The following ANKRD39 variants were observed in gnomAD, a reference collection of about 807,000 sequenced individuals.
ANKRD39 encodes ankyrin repeat domain-containing protein 39.
A neutral mutation model predicts 20.3 loss-of-function variants in ANKRD39; 18 were observed. The ratio of observed to expected loss-of-function variants is 0.89; its 90% CI spans 0.61 to 1.32. The LOEUF (loss-of-function observed/expected upper bound fraction) is 1.32. Among genes scored for constraint, ANKRD39 ranks in the 40% most tolerant of loss-of-function variants. The pLI, the probability that ANKRD39 is intolerant of heterozygous loss-of-function variation, is 0.00. For synonymous variants in ANKRD39, 106 were observed against 111.9 expected (o/e 0.95, Z 0.33); for missense variants, 243 against 250.7 (o/e 0.97, Z 0.21).
intron 1 of ANKRD39, among the ~76,000 whole-genome samples, chr2:96,855,963 G>A (rs992377652): frequency 6.6e-6 from 1 of 151,372 alleles, no homozygotes; most frequent in African/African-American, 2.5e-5. Flanking sequence ...GACAGAGCCA[G>A]ACTCCGACTC....
At chr2:96,853,858 G>A (rs1483944403) in intron 2 of ANKRD39, among the ~76,000 whole-genome samples, 1 of 152,258 alleles carries the variant, frequency 6.6e-6, no homozygotes, top group Non-Finnish European at 1.5e-5. Flanking sequence ...TGGGCGCAGT[G>A]GCTCATGCCT....
chr2:96,857,702 C>T (rs2079872184), intron 1 of ANKRD39, among the ~76,000 whole-genome samples, 186 bp downstream of exon 1: 2 of 152,254 alleles, frequency 1.3e-5, no homozygotes, highest in African/African-American at 4.8e-5. Flanking sequence ...CCTGGCCGAG[C>T]TCGTGCGGGG....
At chr2:96,853,962 A>C (rs1325941128) in intron 2 of ANKRD39, among the ~76,000 whole-genome samples, 1 of 152,180 alleles carries the variant, frequency 6.6e-6, no homozygotes, top group Non-Finnish European at 1.5e-5. Context: ...ACCCATCTCT[A>C]CTAAAAATAC....
At chr2:96,853,643 A>C (rs767147480) in intron 2 of ANKRD39, 39 bp from the exon 3 acceptor site, 12 of 1,596,680 alleles carry the variant, frequency 7.5e-6, no homozygotes, top group Non-Finnish European at 1.0e-5. Context: ...GGGAGAAGCC[A>C]GGCAGGTGAC....
chr2:96,851,452 G>A (rs553950053), intron 3 of ANKRD39, among the ~76,000 whole-genome samples: 15 of 152,100 alleles, frequency 9.9e-5, no homozygotes, highest in Admixed American at 2.0e-4. Context: ...CACCACACCC[G>A]GCCTAATTTT....
At chr2:96,854,655 G>A (rs574179953) in intron 1 of ANKRD39, among the ~76,000 whole-genome samples, 1 of 152,370 alleles carries the variant, frequency 6.6e-6, no homozygotes, top group Non-Finnish European at 1.5e-5. Context: ...AGGACAGTAG[G>A]ACTGGGCGGA....
rs980502616 is a variant in ANKRD39 at position 96,848,339 on chromosome 2, G to A, written c.514C>T (p.Pro172Ser). 6.2e-7 allele frequency: 1 copy of A among 1,614,174 alleles called. No individual in the cohort carries two copies. The highest frequency in any genetic ancestry group is 1.7e-4 in the Middle Eastern group (1 of 6,060). Residue 172 changes from proline to serine, a missense_variant, in exon 4 of 4, where the codon CCT becomes TCT. Transcript: ENST00000393537. ...RKARLACDLLPCNSDLRDLLS... is the reference protein window; with the variant it reads ...RKARLACDLLSCNSDLRDLLS... Reference sequence around the variant, plus strand: ...AGGTCCCGCAGGTCACTGTTGCAAGGCAGCAGGTCACATGCTAGCCGTGCC... The same window carrying A: ...AGGTCCCGCAGGTCACTGTTGCAAGACAGCAGGTCACATGCTAGCCGTGCC...
chr2:96,852,786 G>A (rs374675589), intron 3 of ANKRD39, among the ~76,000 whole-genome samples: 9 of 152,272 alleles, frequency 5.9e-5, no homozygotes, highest in African/African-American at 7.2e-5. Context: ...TCAGTAAAGT[G>A]GCCGAGCAGG....
rs895538194 is a variant in ANKRD39 at position 96,853,283 on chromosome 2, T to G, written c.408+118A>C. ...AGTGATGACAGGTGAGCAAGGGAAT[T>G]ACAAATGATTTTAACTGTCTTCTCT... On this transcript the variant is annotated intron_variant, in intron 3 of 3. Transcript: ENST00000393537. The G allele has an allele frequency of 7.2e-6, 9 of 1,254,574 alleles. No homozygotes were observed. The Admixed American group carries it at 1.5e-4, about 21-fold the overall frequency. The allele number at this position is 1,254,574 out of a possible 1,614,324, so 77.7% of individuals were successfully genotyped here.
intron 3 of ANKRD39, 60 bp downstream of exon 3, chr2:96,853,341 G>A: frequency 4.0e-6 from 6 of 1,509,478 alleles, no homozygotes; most frequent in Non-Finnish European, 4.5e-6. Context: ...TTTTCTACAT[G>A]AACATGTTAT....
At chr2:96,855,625 AG>A (rs987062406) in intron 1 of ANKRD39, among the ~76,000 whole-genome samples, 30 of 151,856 alleles carry the variant, frequency 2.0e-4, no homozygotes, top group African/African-American at 7.3e-4. Flanking sequence ...CAGGGGGCTG[AG>A]GCAGAAGAAT....
chr2:96,850,655 A>C (rs2079832208), intron 3 of ANKRD39, among the ~76,000 whole-genome samples: 1 of 151,722 alleles, frequency 6.6e-6, no homozygotes, highest in Admixed American at 6.6e-5. Context: ...ACAGAGCGAG[A>C]CTCTATCTAA....
intron 3 of ANKRD39, among the ~76,000 whole-genome samples, chr2:96,851,876 G>A (rs953098283): frequency 2.0e-5 from 3 of 152,074 alleles, no homozygotes; most frequent in African/African-American, 7.2e-5. Context: ...TGGCTCTGGG[G>A]GGACAGAGTA....
chr2:96,852,617 G>A (rs1156869257), intron 3 of ANKRD39, among the ~76,000 whole-genome samples: 1 of 151,660 alleles, frequency 6.6e-6, no homozygotes, highest in African/African-American at 2.4e-5. Flanking sequence ...GACTCCAAGT[G>A]GGGGCGTGGC....
chr2:96,848,360 G>A lies in ANKRD39; in HGVS notation c.493C>T (p.Arg165Trp), dbSNP rs969362682. Residue 165 changes from arginine (R) to tryptophan (W), a missense_variant, in exon 4 of 4, where the codon CGG becomes TGG. Physicochemically the swap from Arg to Trp is moderately radical, Grantham distance 101. Coordinates refer to ENST00000393537, the MANE Select transcript of ANKRD39 (RefSeq NM_016466.6). ...ALKAIRDRKARLACDLLPCNS... is the reference protein window; with the variant it reads ...ALKAIRDRKAWLACDLLPCNS... The stretch of plus-strand genomic sequence containing the variant: ...CAAGGCAGCAGGTCACATGCTAGCC[G>A]TGCCTTTCGGTCCCGGATGGCCTTC... 1.1e-5 allele frequency: 18 copies of A among 1,614,098 alleles called. No homozygotes were observed. The East Asian group carries it at 1.3e-4, about 12-fold the overall frequency.
At chr2:96,854,507 T>G (rs541916165) in intron 1 of ANKRD39, 66 bp from the exon 2 acceptor site, 20 of 1,459,548 alleles carry the variant, frequency 1.4e-5, no homozygotes, top group Admixed American at 3.4e-5. Context: ...CTTTGCCTCT[T>G]GACCTCAGTT....
At chr2:96,856,216 G>T (rs1194000817) in intron 1 of ANKRD39, among the ~76,000 whole-genome samples, 3 of 152,174 alleles carry the variant, frequency 2.0e-5, no homozygotes, top group African/African-American at 7.2e-5. Context: ...GCTCACGCCT[G>T]TAATCCTAGC....
In ANKRD39 at chr2:96,857,967, G is replaced by T. The variant is rs780533077; in HGVS notation, c.21C>A (p.Cys7Ter). The T allele has an allele frequency of 1.3e-6, 2 of 1,554,166 alleles. No homozygotes were observed. Among genetic ancestry groups the T allele is most frequent in the African/African-American group, 2.7e-5 (2 of 72,970 alleles). Residue 7 changes from cysteine to a stop codon, truncating the protein, a stop_gained, in exon 1 of 4, where the codon TGC becomes TGA. Coordinates refer to ENST00000393537, the MANE Select transcript of ANKRD39 (RefSeq NM_016466.6). LOFTEE classifies it high-confidence loss of function. ...GATGCGAGCAGCAGGGCCCGTCCGC[G>T]CAGGGCCGAGGCGTCGCCATCCCGG... MATPRPCADGPCCSHPS... is the reference protein window; with the variant it reads MATPRP
At chr2:96,853,733 G>A (rs1232469149) in intron 2 of ANKRD39, 129 bp from the exon 3 acceptor site, 20 of 855,378 alleles carry the variant, frequency 2.3e-5, no homozygotes, top group African/African-American at 3.4e-5. Context: ...CCCAGCAGTC[G>A]TGTGACCTGG....
Sources: gnomAD v4.1 joint callset for allele counts (sites outside exome capture counted in the v4.1 genomes callset) on GRCh38, gnomAD v4.1.1 for gene constraint, MANE v1.5 for transcripts, NCBI Gene and HGNC (gene_info 2026-07-23, HGNC 2026-07-21) for gene names.